SMAD5: variants seen among roughly 807,000 people sequenced by gnomAD.
SMAD5 encodes the protein SMAD family member 5, also known as MAD, mothers against decapentaplegic homolog 5.
In SMAD5, 9 loss-of-function variants were observed where a neutral mutation model predicts 43.1. The observed-to-expected ratio is 0.21, with a 90% CI of 0.13 to 0.36. The LOEUF (loss-of-function observed/expected upper bound fraction) is 0.36. SMAD5 is among the 10% of genes least tolerant of loss of function. SMAD5 has a pLI of 1.00. For missense variants in SMAD5, 348 were observed against 574.0 expected (o/e 0.61, Z 4.02); for synonymous variants, 190 against 192.4 (o/e 0.99, Z 0.10).
At chr5:136,169,552 A>G (rs1754142638) in intron 5 of SMAD5, among the ~76,000 whole-genome samples, 1 of 152,218 alleles carries the variant, frequency 6.6e-6, no homozygotes. Flanking sequence ...GGTTGCTTCT[A>G]AGTTTGAGCA....
rs767114673 is a variant in SMAD5 at position 136,174,393 on chromosome 5, G to T, written c.1015G>T (p.Val339Phe). The change falls in exon 7 of 8, where the codon GTT (valine) becomes TTT (phenylalanine). Residue 339 changes from valine to phenylalanine, a missense_variant. By Grantham distance (50) the Val-to-Phe change is conservative (BLOSUM62 -1). This residue lies in a region of SMAD5 where 97 missense variants were observed against 211.8 expected (regional missense o/e 0.46). Coordinates refer to ENST00000545279, the MANE Select transcript of SMAD5 (RefSeq NM_005903.7). The part of the protein sequence containing the change: ...HIGKGVHLYY[V>F]GGEVYAECLS... ...TTTTTAAGGTGTTCATCTGTACTAT[G>T]TTGGTGGAGAGGTGTATGCGGAATG... 2 of 1,613,928 alleles carry T rather than the reference G, an allele frequency of 1.2e-6. No individual in the cohort carries two copies. The highest frequency in any genetic ancestry group is 1.7e-6 in the Non-Finnish European group (2 of 1,179,820).
chr5:136,151,166 G>T (rs1226241471), intron 2 of SMAD5, among the ~76,000 whole-genome samples: 1 of 151,628 alleles, frequency 6.6e-6, no homozygotes, highest in Non-Finnish European at 1.5e-5. Flanking sequence ...CTAGGTCCAG[G>T]GCATCCAGTG....
chr5:136,137,016 GA>G (rs1473052551), intron 1 of SMAD5, among the ~76,000 whole-genome samples: 2 of 120,382 alleles, frequency 1.7e-5, no homozygotes, highest in African/African-American at 3.4e-5. Context: ...ATTTAGTTTT[GA>G]TTTTTTTTTT....
rs529678859 is a variant in SMAD5 at position 136,175,187 on chromosome 5, C to T, written c.1254+555C>T. On this transcript the variant is annotated intron_variant, in intron 7 of 7. Transcript: ENST00000545279. The stretch of plus-strand genomic sequence containing the variant: ...TGAGAACAGTATGGGGGAAACTGCC[C>T]CCATGATTCAGTTATCTCCCACTGG... 3.9e-5 allele frequency among the ~76,000 whole-genome samples: 6 copies of T among 152,192 alleles called. No homozygotes were observed. The East Asian group carries it at 1.2e-3, about 29-fold the overall frequency.
chr5:136,178,095 G>A lies in SMAD5; in HGVS notation c.*615G>A, dbSNP rs1006486989. On this transcript the variant is annotated 3_prime_UTR_variant, in exon 8 of 8. Coordinates refer to ENST00000545279, the MANE Select transcript of SMAD5 (RefSeq NM_005903.7). ...TAAAATTTACATTTAATACAGATAAGTGTTCTTCAGTGTAATGTGACTTCA... is the reference window on the plus strand; with the variant it reads ...TAAAATTTACATTTAATACAGATAAATGTTCTTCAGTGTAATGTGACTTCA... 2 of 152,612 alleles carry A rather than the reference G, an allele frequency of 1.3e-5. No individual in the cohort carries two copies. The allele number at this position is 152,612 out of a possible 1,614,324, so 9.5% of individuals were successfully genotyped here.
chr5:136,137,302 T>C (rs1201845363), intron 1 of SMAD5, among the ~76,000 whole-genome samples: 1 of 145,432 alleles, frequency 6.9e-6, no homozygotes, highest in Admixed American at 6.9e-5. Flanking sequence ...ATAGCATATA[T>C]GTACTTTATA....
chr5:136,140,044 A>G (rs185778834), intron 1 of SMAD5, among the ~76,000 whole-genome samples: 134 of 138,318 alleles, frequency 9.7e-4, no homozygotes, highest in South Asian at 1.9e-3. Flanking sequence ...TTTTTTTGAG[A>G]TGAAGTCTAG....
chr5:136,163,764 C>T (rs917676815), intron 5 of SMAD5, among the ~76,000 whole-genome samples: 2 of 152,106 alleles, frequency 1.3e-5, no homozygotes, highest in South Asian at 2.1e-4. Context: ...AAGGTTCATC[C>T]GTGTTGTAGC....
At chr5:136,176,412 G>T (rs544062108) in intron 7 of SMAD5, among the ~76,000 whole-genome samples, 39 of 127,416 alleles carry the variant, frequency 3.1e-4, no homozygotes, top group Non-Finnish European at 5.1e-4. Flanking sequence ...CCAAGATTGC[G>T]CCATTGCATT....
At chr5:136,172,827 T>C in intron 6 of SMAD5, 172 bp downstream of exon 6, 1 of 590,372 alleles carries the variant, frequency 1.7e-6, no homozygotes, top group Non-Finnish European at 3.0e-6. Flanking sequence ...TGATGTTCCC[T>C]CATTTTTTTG....
At chr5:136,138,334 T>C (rs1169586019) in intron 1 of SMAD5, among the ~76,000 whole-genome samples, 1 of 152,238 alleles carries the variant, frequency 6.6e-6, no homozygotes, top group Non-Finnish European at 1.5e-5. Context: ...GAACTTCTTA[T>C]GTCTTTGGAA....
intron 7 of SMAD5, among the ~76,000 whole-genome samples, chr5:136,175,024 G>A (rs183776462): frequency 6.6e-6 from 1 of 152,128 alleles, no homozygotes; most frequent in African/African-American, 2.4e-5. Flanking sequence ...GGCTGGGGAA[G>A]CCTCACAATC....
intron 5 of SMAD5, among the ~76,000 whole-genome samples, chr5:136,168,796 A>G (rs1412151524): frequency 1.3e-5 from 2 of 152,168 alleles, no homozygotes; most frequent in African/African-American, 4.8e-5. Flanking sequence ...GCAAAATGTC[A>G]TAGTTAGAAT....
chr5:136,154,796 T>A (rs1405029216), intron 3 of SMAD5, among the ~76,000 whole-genome samples: 1 of 152,152 alleles, frequency 6.6e-6, no homozygotes. Context: ...TGCCTTTTTA[T>A]AGGTCAAGGG....
At chr5:136,165,662 A>ATTTTTTTT (rs58156387) in intron 5 of SMAD5, among the ~76,000 whole-genome samples, 9 of 65,444 alleles carry the variant, frequency 1.4e-4, no homozygotes, top group Non-Finnish European at 2.4e-4. Context: ...GAATCATACA[A>ATTTTTTTT]TTTTTTTTTT....
intron 1 of SMAD5, chr5:136,133,880 G>C (rs959007569): frequency 6.5e-6 from 1 of 154,754 alleles, no homozygotes; most frequent in Non-Finnish European, 1.5e-5. Flanking sequence ...GGGGTATTTG[G>C]ACGTTTGCCG....
At chr5:136,176,992 A>G (rs369700923) in intron 7 of SMAD5, among the ~76,000 whole-genome samples, 4 of 152,270 alleles carry the variant, frequency 2.6e-5, no homozygotes, top group East Asian at 1.9e-4. Context: ...CATTTATCCC[A>G]TTAAGGGAGA....
At chr5:136,142,184 A>C (rs1020737683) in intron 1 of SMAD5, among the ~76,000 whole-genome samples, 1 of 152,164 alleles carries the variant, frequency 6.6e-6, no homozygotes, top group African/African-American at 2.4e-5. Context: ...ACAGATTTGA[A>C]AGGTAAATGT....
In SMAD5 at chr5:136,163,408, C is replaced by G. The variant is rs770273443; in HGVS notation, c.775+17C>G. 2 of 1,567,602 alleles carry G rather than the reference C, an allele frequency of 1.3e-6. No individual in the cohort carries two copies. The highest frequency in any genetic ancestry group is 3.8e-5 in the Admixed American group (2 of 52,144). ...CCAGCAGGGGTAAGAGAAGTACTCA[C>G]TTCATTTATTTTATAGTAGTAGTTG... On this transcript the variant is annotated intron_variant, in intron 5 of 7. Transcript: ENST00000545279.
Sources: allele counts gnomAD v4.1 joint callset (sites outside exome capture counted in the v4.1 genomes callset), GRCh38; gene constraint gnomAD v4.1.1; regional missense constraint gnomAD v4.1.1; transcripts MANE v1.5; gene names NCBI Gene and HGNC (gene_info 2026-07-23, HGNC 2026-07-21).